Variants in GPC5 observed in about 807,000 individuals in gnomAD.
The protein encoded by GPC5 is glypican-5.
Under a neutral mutation model 53.9 loss-of-function variants are expected in GPC5, and 47 were observed. The ratio of observed to expected loss-of-function variants is 0.87; its 90% CI spans 0.69 to 1.11. The LOEUF (loss-of-function observed/expected upper bound fraction) is 1.11. Among genes scored for constraint, GPC5 ranks in the 50% most tolerant of loss-of-function variants. The pLI is 0.00. For missense variants in GPC5, 748 were observed against 713.1 expected (o/e 1.05, Z -0.56); for synonymous variants, 286 against 263.3 (o/e 1.09, Z -0.84).
intron 7 of GPC5, among the ~76,000 whole-genome samples, chr13:92,759,098 ACT>A (rs1406455257): frequency 1.1e-3 from 151 of 140,908 alleles, no homozygotes; most frequent in African/African-American, 4.0e-3. Context: ...CCACTGGTCC[ACT>A]GGTCTGTTTG....
At chr13:91,817,114 G>A (rs947816140) in intron 5 of GPC5, among the ~76,000 whole-genome samples, 1 of 152,116 alleles carries the variant, frequency 6.6e-6, no homozygotes, top group African/African-American at 2.4e-5. Flanking sequence ...TCATAGGAAT[G>A]CCAGTATCAC....
rs570930821 is a variant in GPC5, at chr13:91,702,788, A to T, written c.1020+8907A>T. Among the ~76,000 whole-genome samples the T allele has an allele frequency of 3.3e-5, 5 of 152,078 alleles. No homozygotes were observed. The South Asian group carries it at 8.3e-4, about 25-fold the overall frequency. The stretch of plus-strand genomic sequence containing the variant: ...CAAGAACGTGGACATCATTCTATTT[A>T]AGTTCATCCTCTTCAATTTTTCATC... On this transcript the variant is annotated intron_variant, in intron 3 of 7. Transcript: ENST00000377067.
At chr13:91,572,143 A>T in intron 2 of GPC5, among the ~76,000 whole-genome samples, 1 of 143,716 alleles carries the variant, frequency 7.0e-6, no homozygotes, top group Middle Eastern at 3.8e-3. Flanking sequence ...ACACATATGT[A>T]TATATACGTG....
chr13:91,423,575 G>A (rs184572305), intron 1 of GPC5, among the ~76,000 whole-genome samples: 1 of 152,238 alleles, frequency 6.6e-6, no homozygotes, highest in East Asian at 1.9e-4. Context: ...CCAGTAGAGG[G>A]GGGGTGTGGG....
chr13:92,243,210 A>G (rs950789999), intron 7 of GPC5, among the ~76,000 whole-genome samples: 2 of 152,170 alleles, frequency 1.3e-5, no homozygotes, highest in East Asian at 3.8e-4. Context: ...CAGACTTTTC[A>G]CAACTACATA....
chr13:92,528,523 A>C (rs1428606626), intron 7 of GPC5, among the ~76,000 whole-genome samples: 1 of 151,942 alleles, frequency 6.6e-6, no homozygotes, highest in East Asian at 1.9e-4. Flanking sequence ...CTAAATGATA[A>C]GGTATGTATT....
At chr13:91,720,706 T>G (rs915813405) in intron 3 of GPC5, among the ~76,000 whole-genome samples, 1 of 152,182 alleles carries the variant, frequency 6.6e-6, no homozygotes, top group African/African-American at 2.4e-5. Flanking sequence ...GGAAGCCAAA[T>G]ATGTCCAAGA....
At chr13:92,306,217 A>T (rs1473405109) in intron 7 of GPC5, among the ~76,000 whole-genome samples, 2 of 152,166 alleles carry the variant, frequency 1.3e-5, no homozygotes, top group African/African-American at 4.8e-5. Context: ...TTTAAAATGA[A>T]ATCTTGTGTG....
intron 6 of GPC5, among the ~76,000 whole-genome samples, chr13:92,137,943 G>C (rs543810462): frequency 9.1e-4 from 139 of 152,218 alleles, no homozygotes; most frequent in African/African-American, 3.1e-3. Context: ...TGTCAGTTTA[G>C]GTTCACCTAT....
chr13:92,579,261 C>CCCTA, intron 7 of GPC5, among the ~76,000 whole-genome samples: 1 of 36,134 alleles, frequency 2.8e-5, no homozygotes, highest in East Asian at 5.7e-4. Flanking sequence ...CTCCCTCCCT[C>CCCTA]CCTCCCTCCC....
At chr13:91,478,795 T>TTATATATATGTATA (rs1431415864) in intron 2 of GPC5, among the ~76,000 whole-genome samples, 33 of 55,362 alleles carry the variant, frequency 6.0e-4, no homozygotes, top group South Asian at 7.5e-4. Context: ...CCATTTGAGT[T>TTATATATATGTATA]TATATATATA....
chr13:91,519,323 A>T (rs1430754373), intron 2 of GPC5, among the ~76,000 whole-genome samples: 1 of 152,142 alleles, frequency 6.6e-6, no homozygotes, highest in Non-Finnish European at 1.5e-5. Flanking sequence ...CTATTTATAT[A>T]TTTATGATAT....
At chr13:91,762,127 G>A (rs1328713489) in intron 5 of GPC5, among the ~76,000 whole-genome samples, 1 of 152,150 alleles carries the variant, frequency 6.6e-6, no homozygotes, top group Non-Finnish European at 1.5e-5. Flanking sequence ...TCATAATCCA[G>A]TTTTCTCTTT....
rs183299924 is a variant in GPC5 at position 91,416,547 on chromosome 13, T to C, written c.163+17338T>C. 8.1e-3 allele frequency among the ~76,000 whole-genome samples: 1,229 copies of C among 152,142 alleles called. 5 individuals carry two copies. Among genetic ancestry groups the C allele is most frequent in the Non-Finnish European group, 9.2e-3 (628 of 67,980 alleles). On this transcript the variant is annotated intron_variant, in intron 1 of 7. Transcript: ENST00000377067. ...ATATGTATACATGTGCCATGTTGGT[T>C]TGCCGCACCCATCAACTCGTCCTTT...
In GPC5 at chr13:92,795,060, A is replaced by G. The variant is rs189354156; in HGVS notation, c.1562-71222A>G. Among the ~76,000 whole-genome samples, 384 of 152,294 alleles carry G rather than the reference A, an allele frequency of 2.5e-3. 2 individuals carry two copies. Among genetic ancestry groups the G allele is most frequent in the African/African-American group, 8.7e-3 (362 of 41,564 alleles). ...TTTAAAGTTCATATGGAACCAAAAA[A>G]GAGCCCGCATAGCCAAGAGAATCCT... On this transcript the variant is annotated intron_variant, in intron 7 of 7. Coordinates refer to ENST00000377067, the MANE Select transcript of GPC5 (RefSeq NM_004466.6).
At chr13:92,067,650 A>G (rs530373523) in intron 6 of GPC5, among the ~76,000 whole-genome samples, 1 of 152,098 alleles carries the variant, frequency 6.6e-6, no homozygotes, top group Admixed American at 6.5e-5. Context: ...TAATTACTGT[A>G]TTTATCAAGT....
intron 7 of GPC5, among the ~76,000 whole-genome samples, chr13:92,501,713 C>A (rs9561078): frequency 0.66 from 100,014 of 151,878 alleles, 33,273 homozygotes; most frequent in East Asian, 0.74. Flanking sequence ...TAAATGTTTT[C>A]AAACTATCAA....
chr13:92,292,187 CTAAG>C (rs1566523276), intron 7 of GPC5, among the ~76,000 whole-genome samples: 1 of 152,216 alleles, frequency 6.6e-6, no homozygotes, highest in African/African-American at 2.4e-5. Context: ...TTCTTTTCCT[CTAAG>C]TAGATACCCA....
At chr13:92,018,816 A>C (rs2040731511) in intron 6 of GPC5, among the ~76,000 whole-genome samples, 1 of 152,136 alleles carries the variant, frequency 6.6e-6, no homozygotes, top group Non-Finnish European at 1.5e-5. Context: ...TAAATATAAA[A>C]GTACATTTCT....
Sources: allele counts gnomAD v4.1 joint callset (sites outside exome capture counted in the v4.1 genomes callset), GRCh38; gene constraint gnomAD v4.1.1; transcripts MANE v1.5; gene names NCBI Gene and HGNC (gene_info 2026-07-23, HGNC 2026-07-21).